The following PDGFD variants were observed in gnomAD, a reference collection of about 807,000 sequenced individuals.
The protein encoded by PDGFD is platelet derived growth factor D, also known as platelet-derived growth factor D.
In PDGFD, 30 loss-of-function variants were observed where a neutral mutation model predicts 44.7. The ratio of observed to expected loss-of-function variants is 0.67; its 90% CI spans 0.50 to 0.91. PDGFD has a LOEUF of 0.91. Among genes scored for constraint, PDGFD ranks in the 40% least tolerant of loss-of-function variants. The probability of loss-of-function intolerance (pLI) is 0.00; values close to 1 mark genes in which losing one functional copy is unlikely to be tolerated. For synonymous variants in PDGFD, 173 were observed against 168.4 expected (o/e 1.03, Z -0.21); for missense variants, 445 against 457.8 (o/e 0.97, Z 0.25).
intron 1 of PDGFD, among the ~76,000 whole-genome samples, chr11:104,035,527 CT>C (rs1860213118): frequency 6.8e-6 from 1 of 146,412 alleles, no homozygotes; most frequent in East Asian, 2.0e-4. Flanking sequence ...TGCTTCAAAT[CT>C]TTTCCCTTTC....
intron 1 of PDGFD, among the ~76,000 whole-genome samples, chr11:104,045,505 A>C (rs1860426718): frequency 6.6e-6 from 1 of 152,124 alleles, no homozygotes; most frequent in Admixed American, 6.5e-5. Context: ...ACAAACTGAC[A>C]TCAGAAAATG....
chr11:104,137,908 C>A (rs1167034092), intron 1 of PDGFD, among the ~76,000 whole-genome samples: 2 of 151,932 alleles, frequency 1.3e-5, no homozygotes, highest in Non-Finnish European at 1.5e-5. Context: ...CAGACACACC[C>A]TTATATGTAA....
chr11:104,049,902 A>T (rs1198371388), intron 1 of PDGFD, among the ~76,000 whole-genome samples: 1 of 152,128 alleles, frequency 6.6e-6, no homozygotes, highest in Non-Finnish European at 1.5e-5. Context: ...TTGAGGAGCC[A>T]ATTGGATTGG....
chr11:104,072,552 G>A (rs361310), intron 1 of PDGFD, among the ~76,000 whole-genome samples: 151,460 of 152,022 alleles, frequency 1, 75,453 homozygotes, highest in Middle Eastern at 1. Flanking sequence ...AAGTTCTTAT[G>A]CTTCCAAATC....
At chr11:104,084,812 T>TTATAAAATATATATTTTATAAG (rs1565330214) in intron 1 of PDGFD, among the ~76,000 whole-genome samples, 3 of 145,816 alleles carry the variant, frequency 2.1e-5, no homozygotes, top group Admixed American at 6.9e-5. Context: ...TTTATAAGTA[T>TTATAAAATATATATTTTATAAG]TATAAAATAT....
intron 1 of PDGFD, among the ~76,000 whole-genome samples, chr11:104,137,904 C>T (rs1416527636): frequency 6.6e-6 from 1 of 152,048 alleles, no homozygotes; most frequent in Non-Finnish European, 1.5e-5. Context: ...CTCCCAGACA[C>T]ACCCTTATAT....
rs1420024990 is a variant in PDGFD, at chr11:103,985,112, A to AT, written c.510+10952dup. ...AATATATTATATATTAATTTATTTA[A>AT]TATATAATATATTAATTTATTTAAT... is the stretch of plus-strand genomic sequence containing the variant. On this transcript the variant is annotated intron_variant, in intron 3 of 6. Transcript: ENST00000393158. Among the ~76,000 whole-genome samples the AT allele has an allele frequency of 1.5e-5, 2 of 133,576 alleles. 1 individual carries two copies. The highest frequency in any genetic ancestry group is 3.2e-5 in the Non-Finnish European group (2 of 62,376). The allele number at this position is 133,576 out of a possible 152,430, so 87.6% of individuals were successfully genotyped here.
chr11:104,085,863 T>C (rs1431344513), intron 1 of PDGFD, among the ~76,000 whole-genome samples: 1 of 152,062 alleles, frequency 6.6e-6, no homozygotes, highest in Non-Finnish European at 1.5e-5. Flanking sequence ...AATAAAGTCT[T>C]TATATTATGA....
chr11:103,966,667 A>T (rs764968196), intron 3 of PDGFD, among the ~76,000 whole-genome samples: 1 of 152,186 alleles, frequency 6.6e-6, no homozygotes, highest in Non-Finnish European at 1.5e-5. Flanking sequence ...TCTCTTCAAA[A>T]ATAAAAAGGA....
chr11:103,918,901 G>T (rs564195265), intron 6 of PDGFD, among the ~76,000 whole-genome samples: 3 of 152,276 alleles, frequency 2.0e-5, no homozygotes, highest in South Asian at 2.1e-4. Context: ...GCGGTTATAG[G>T]TTATCTGGTC....
chr11:103,917,161 T>A (rs1017434409), intron 6 of PDGFD, among the ~76,000 whole-genome samples: 1 of 152,196 alleles, frequency 6.6e-6, no homozygotes, highest in Non-Finnish European at 1.5e-5. Flanking sequence ...TTTTATGTTT[T>A]TATATATTTG....
intron 1 of PDGFD, among the ~76,000 whole-genome samples, chr11:104,001,063 T>C (rs1245833166): frequency 1.3e-5 from 2 of 152,206 alleles, no homozygotes; most frequent in Non-Finnish European, 2.9e-5. Flanking sequence ...CCATGCCAGA[T>C]AGACCAACCA....
chr11:104,022,797 A>G (rs1463105753), intron 1 of PDGFD, among the ~76,000 whole-genome samples: 4 of 152,084 alleles, frequency 2.6e-5, no homozygotes, highest in African/African-American at 9.7e-5. Context: ...GTGTGTGTGT[A>G]CATAGATATA....
Position 103,984,813 on chromosome 11 carries a change from T to TATTTATTTAATATATAATATATTA in PDGFD, c.510+11228_510+11251dup, listed in dbSNP as rs1191694391. Among the ~76,000 whole-genome samples, 771 of 142,862 alleles carry TATTTATTTAATATATAATATATTA rather than the reference T, an allele frequency of 5.4e-3. 30 individuals carry two copies. Among genetic ancestry groups the TATTTATTTAATATATAATATATTA allele is most frequent in the African/African-American group, 0.018 (694 of 38,280 alleles). The allele number at this position is 142,862 out of a possible 152,430, so 93.7% of individuals were successfully genotyped here. Reference sequence around the variant, plus strand: ...TAAATAATTATATTTAATATATTTATATTTATTTAATATATAATATATTAA... The same window carrying TATTTATTTAATATATAATATATTA: ...TAAATAATTATATTTAATATATTTATATTTATTTAATATATAATATATTAATTTATTTAATATATAATATATTAA... On this transcript the variant is annotated intron_variant, in intron 3 of 6. Transcript: ENST00000393158.
intron 1 of PDGFD, among the ~76,000 whole-genome samples, chr11:104,127,408 T>C (rs1365269737): frequency 1.3e-5 from 2 of 152,136 alleles, no homozygotes; most frequent in East Asian, 1.9e-4. Context: ...AAAACCACTA[T>C]TATAGACACA....
At chr11:104,115,200 T>C (rs755693739) in intron 1 of PDGFD, among the ~76,000 whole-genome samples, 5 of 151,302 alleles carry the variant, frequency 3.3e-5, no homozygotes, top group Admixed American at 6.6e-5. Flanking sequence ...TCCAATCTCA[T>C]CCAGCTCACC....
chr11:104,020,327 A>C (rs1227493831), intron 1 of PDGFD, among the ~76,000 whole-genome samples: 1 of 152,122 alleles, frequency 6.6e-6, no homozygotes, highest in African/African-American at 2.4e-5. Context: ...AATACTGAAA[A>C]TATAAACTCC....
chr11:104,097,570 G>A (rs531312247), intron 1 of PDGFD, among the ~76,000 whole-genome samples: 1 of 152,196 alleles, frequency 6.6e-6, no homozygotes, highest in Non-Finnish European at 1.5e-5. Context: ...GCCCTCAAAT[G>A]GTTCCCAGAT....
rs561987030 is a variant in PDGFD, at chr11:104,085,280, T to C, written c.124+78524A>G. On this transcript the variant is annotated intron_variant, in intron 1 of 6. Coordinates refer to ENST00000393158, the MANE Select transcript of PDGFD (RefSeq NM_025208.5). The stretch of plus-strand genomic sequence containing the variant: ...ACCACTGATGGGTTCTCTATAATTT[T>C]CTCACTTTGAAAATGTTATATGAAT... Among the ~76,000 whole-genome samples, 414 of 152,286 alleles carry C rather than the reference T, an allele frequency of 2.7e-3. 1 individual carries two copies. Among genetic ancestry groups the C allele is most frequent in the African/African-American group, 9.5e-3 (393 of 41,572 alleles).
Sources: gnomAD v4.1 joint callset for allele counts (sites outside exome capture counted in the v4.1 genomes callset) on GRCh38, gnomAD v4.1.1 for gene constraint, MANE v1.5 for transcripts, NCBI Gene and HGNC (gene_info 2026-07-23, HGNC 2026-07-21) for gene names.